The following TRIP11 variants were observed in gnomAD, a reference collection of about 807,000 sequenced individuals.
The protein encoded by TRIP11 is thyroid receptor-interacting protein 11.
Under a neutral mutation model 223.1 loss-of-function variants are expected in TRIP11, and 148 were observed. The observed-to-expected ratio is 0.66, with a 90% CI of 0.58 to 0.76. TRIP11 has a LOEUF of 0.76. TRIP11 is among the 30% of genes least tolerant of loss of function. TRIP11 has a pLI of 0.00. For synonymous variants in TRIP11, 762 were observed against 772.6 expected, an observed-to-expected ratio of 0.99 and a Z score of 0.23; for missense variants, 2,043 against 2,222.0, an observed-to-expected ratio of 0.92 and a Z score of 1.62.
chr14:92,002,903 G>GT (rs1432113532), intron 11 of TRIP11, among the ~76,000 whole-genome samples: 1 of 151,986 alleles, frequency 6.6e-6, no homozygotes, highest in Non-Finnish European at 1.5e-5. Flanking sequence ...TTCAAACAGA[G>GT]TATCACACGT....
rs1297576557 is a variant in TRIP11 at position 91,984,840 on chromosome 14, T to C, written c.5260+3444A>G. Reference sequence around the variant, plus strand: ...GTCATATGTGCTTCATAGGCCACTCTACTGAGTTTGGATATGGGATGGCAT... The same window carrying C: ...GTCATATGTGCTTCATAGGCCACTCCACTGAGTTTGGATATGGGATGGCAT... On this transcript the variant is annotated intron_variant, in intron 16 of 20. Coordinates refer to ENST00000267622, the MANE Select transcript of TRIP11 (RefSeq NM_004239.4). 2.6e-5 allele frequency among the ~76,000 whole-genome samples: 4 copies of C among 152,238 alleles called. No individual in the cohort carries two copies. In the East Asian group the frequency reaches 7.7e-4, roughly 29 times the overall value.
At chr14:91,981,012 A>ATATATATTTTTT (rs1301331303) in intron 16 of TRIP11, among the ~76,000 whole-genome samples, 1 of 49,944 alleles carries the variant, frequency 2.0e-5, no homozygotes, top group Non-Finnish European at 4.2e-5. Context: ...ATATATATAT[A>ATATATATTTTTT]TTTTTTTTTT....
At chr14:91,977,694 C>T (rs1194949012) in intron 16 of TRIP11, among the ~76,000 whole-genome samples, 4 of 151,024 alleles carry the variant, frequency 2.6e-5, no homozygotes, top group Non-Finnish European at 4.4e-5. Flanking sequence ...AACTCACTTT[C>T]TTAAAGAATT....
chr14:91,984,648 A>G (rs1232211840), intron 16 of TRIP11, among the ~76,000 whole-genome samples: 2 of 152,190 alleles, frequency 1.3e-5, no homozygotes, highest in South Asian at 2.1e-4. Context: ...ATTTATGTCA[A>G]GGATGATGGC....
intron 16 of TRIP11, among the ~76,000 whole-genome samples, chr14:91,981,801 C>T: frequency 6.6e-6 from 1 of 152,158 alleles, no homozygotes; most frequent in East Asian, 1.9e-4. Context: ...TTGTTCACTG[C>T]TGAGTGAAAA....
In TRIP11 at chr14:92,014,214, C is replaced by A; in HGVS notation, c.1186+1G>T. Reference sequence around the variant, plus strand: ...TGAAATAAGTTCCAAAGACTGTATACCAGACAGTGCTTGTTGTAGTCTGAA... The same window carrying A: ...TGAAATAAGTTCCAAAGACTGTATAACAGACAGTGCTTGTTGTAGTCTGAA... On this transcript the variant is annotated splice_donor_variant, in intron 7 of 20. Coordinates refer to ENST00000267622, the MANE Select transcript of TRIP11 (RefSeq NM_004239.4). LOFTEE classifies it high-confidence loss of function. 1 of 1,613,972 alleles carries A rather than the reference C, an allele frequency of 6.2e-7. No homozygotes were observed. The highest frequency in any genetic ancestry group is 8.5e-7 in the Non-Finnish European group (1 of 1,179,970).
intron 2 of TRIP11, among the ~76,000 whole-genome samples, chr14:92,029,020 A>G (rs980610801): frequency 3.9e-5 from 6 of 152,214 alleles, no homozygotes; most frequent in African/African-American, 9.7e-5. Flanking sequence ...AAAACATTCT[A>G]TCTTACAATT....
Position 92,000,024 on chromosome 14 carries a change from G to C in TRIP11, c.4642C>G (p.Gln1548Glu). 1 of 1,613,714 alleles carries C rather than the reference G, an allele frequency of 6.2e-7. No homozygotes were observed. The highest frequency in any genetic ancestry group is 8.5e-7 in the Non-Finnish European group (1 of 1,179,874). ...TTTTGTTTCAGGGCCAACATGACTT[G>C]GTCTCTCTCCTGTTGAAACACAACT... Reference protein sequence around the residue: ...KTVVFQQERDQVMLALKQKQM... With the variant: ...KTVVFQQERDEVMLALKQKQM... The change falls in exon 12 of 21, where the codon CAA becomes GAA. Residue 1548 changes from glutamine (Q) to glutamate (E), a missense_variant. By Grantham distance (29) the Gln-to-Glu change is conservative. Coordinates refer to ENST00000267622, the MANE Select transcript of TRIP11 (RefSeq NM_004239.4).
chr14:92,004,452 G>C lies in TRIP11; in HGVS notation c.3524C>G (p.Ala1175Gly). 1 of 1,613,702 alleles carries C rather than the reference G, an allele frequency of 6.2e-7. No individual in the cohort carries two copies. Among genetic ancestry groups the C allele is most frequent in the Non-Finnish European group, 8.5e-7 (1 of 1,179,988 alleles). ...IIREKDIEID[A>G]LSQKCQTLLA... ...TAAAGTCTGACATTTCTGACTTAGT[G>C]CATCTATTTCGATGTCTTTTTCTCG... The change falls in exon 11 of 21, where the codon GCA becomes GGA. Residue 1175 changes from alanine (A) to glycine (G), a missense_variant. Transcript: ENST00000267622.
At chr14:92,000,923 C>T (rs949302056) in intron 11 of TRIP11, among the ~76,000 whole-genome samples, 4 of 150,424 alleles carry the variant, frequency 2.7e-5, no homozygotes, top group Non-Finnish European at 5.9e-5. Flanking sequence ...TGCAGTGGCG[C>T]GATCTCGGTT....
chr14:92,013,981 T>C (rs901605261), intron 7 of TRIP11, among the ~76,000 whole-genome samples: 11 of 152,222 alleles, frequency 7.2e-5, no homozygotes, highest in Non-Finnish European at 1.6e-4. Context: ...ATGTGGGCTG[T>C]GATGAGTTAC....
chr14:92,006,592 C>A, intron 10 of TRIP11, 144 bp from the exon 11 acceptor site: 2 of 920,182 alleles, frequency 2.2e-6, no homozygotes, highest in Non-Finnish European at 3.2e-6. Context: ...CTATCAAAAA[C>A]ACCCACTACA....
In TRIP11 at chr14:91,976,100, A is replaced by G. The variant is rs2056460643; in HGVS notation, c.5342+8T>C. ...AAAATATACAAACATTAAAAGCAAAAAGCATACTTGTCTACTTTTCCTTCT... is the reference window on the plus strand; with the variant it reads ...AAAATATACAAACATTAAAAGCAAAGAGCATACTTGTCTACTTTTCCTTCT... On this transcript the variant is annotated splice_region_variant and intron_variant, in intron 17 of 20. Coordinates refer to ENST00000267622, the MANE Select transcript of TRIP11 (RefSeq NM_004239.4). 4.3e-6 allele frequency: 7 copies of G among 1,610,892 alleles called. No homozygotes were observed. The highest frequency in any genetic ancestry group is 5.9e-6 in the Non-Finnish European group (7 of 1,179,132).
intron 17 of TRIP11, among the ~76,000 whole-genome samples, chr14:91,975,709 A>C (rs984229297): frequency 6.6e-6 from 1 of 152,130 alleles, no homozygotes; most frequent in Non-Finnish European, 1.5e-5. Flanking sequence ...ATATACATTT[A>C]AAAAATATTA....
intron 15 of TRIP11, among the ~76,000 whole-genome samples, chr14:91,992,269 A>G (rs2056684042): frequency 6.6e-6 from 1 of 151,932 alleles, no homozygotes; most frequent in Admixed American, 6.6e-5. Context: ...CAAACAAAAT[A>G]AGGAAGTAAT....
At chr14:91,969,964 A>C in intron 20 of TRIP11, 71 bp from the exon 21 acceptor site, 1 of 1,389,934 alleles carries the variant, frequency 7.2e-7, no homozygotes, top group African/African-American at 1.4e-5. Context: ...CTCTGAATGT[A>C]ATAGCATAAA....
intron 13 of TRIP11, among the ~76,000 whole-genome samples, chr14:91,996,872 T>C (rs368162073): frequency 6.6e-5 from 10 of 152,328 alleles, no homozygotes; most frequent in Admixed American, 5.2e-4. Flanking sequence ...GAGGTAGATA[T>C]AGATAAAGCA....
At position 91,981,021 on chromosome 14, in the gene TRIP11, T is replaced by A. The variant is rs1198128010; in HGVS notation, c.5261-4832A>T. On this transcript the variant is annotated intron_variant, in intron 16 of 20. Coordinates refer to ENST00000267622, the MANE Select transcript of TRIP11 (RefSeq NM_004239.4). ...ATATATATATATATATATTTTTTTT[T>A]TTTTTTTTTTTTTTTGAGACAGAGT... Among the ~76,000 whole-genome samples the A allele has an allele frequency of 6.3e-3, 779 of 123,930 alleles. 4 individuals carry two copies. Among genetic ancestry groups the A allele is most frequent in the African/African-American group, 0.023 (647 of 27,812 alleles). 81.3% of individuals were successfully genotyped at this position (123,930 alleles called of 152,430 possible). A position where few individuals can be genotyped will look rare whatever the true frequency, so the allele number is the denominator to read the frequency against.
chr14:91,971,575 A>C (rs1000899109), intron 20 of TRIP11, among the ~76,000 whole-genome samples: 3 of 150,198 alleles, frequency 2.0e-5, no homozygotes, highest in African/African-American at 7.5e-5. Flanking sequence ...GGGAGAATAA[A>C]GAAGGAGAAG....
Sources: gnomAD v4.1 joint callset for allele counts (sites outside exome capture counted in the v4.1 genomes callset) on GRCh38, gnomAD v4.1.1 for gene constraint, MANE v1.5 for transcripts, NCBI Gene and HGNC (gene_info 2026-07-23, HGNC 2026-07-21) for gene names.